STXBP5L: variants seen among roughly 807,000 people sequenced by gnomAD.
STXBP5L encodes the protein syntaxin binding protein 5L.
STXBP5L carries 65 observed loss-of-function variants against 144.5 expected under a neutral mutation model. The ratio of observed to expected loss-of-function variants is 0.45; its 90% CI spans 0.37 to 0.55. The LOEUF is 0.55. STXBP5L is among the 20% of genes least tolerant of loss of function. The pLI, the probability that STXBP5L is intolerant of heterozygous loss-of-function variation, is 0.00. For synonymous variants in STXBP5L, 505 were observed against 469.6 expected, an observed-to-expected ratio of 1.08 and a Z score of -0.97; for missense variants, 1,298 against 1,405.5, an observed-to-expected ratio of 0.92 and a Z score of 1.22.
intron 3 of STXBP5L, among the ~76,000 whole-genome samples, chr3:120,996,107 G>A (rs1294787292): frequency 6.6e-6 from 1 of 152,046 alleles, no homozygotes; most frequent in Non-Finnish European, 1.5e-5. Flanking sequence ...TCAGAAGAGA[G>A]ACATGCTATC....
intron 3 of STXBP5L, among the ~76,000 whole-genome samples, chr3:120,975,956 T>C (rs1940942356): frequency 6.6e-6 from 1 of 152,206 alleles, no homozygotes; most frequent in South Asian, 2.1e-4. Context: ...CAGTATTTTA[T>C]TGAGGATTTT....
chr3:120,965,164 T>G (rs1939404720), intron 3 of STXBP5L, among the ~76,000 whole-genome samples: 1 of 152,196 alleles, frequency 6.6e-6, no homozygotes, highest in Admixed American at 6.5e-5. Context: ...ATTTTGAGCC[T>G]ATGTGTGTCT....
chr3:121,102,917 A>G (rs567398553), intron 5 of STXBP5L, among the ~76,000 whole-genome samples: 1 of 152,296 alleles, frequency 6.6e-6, no homozygotes, highest in African/African-American at 2.4e-5. Context: ...TTCTCAAAAG[A>G]AGACATACAA....
intron 20 of STXBP5L, among the ~76,000 whole-genome samples, chr3:121,368,032 AGTTTTCAGTCAT>A (rs2045918789): frequency 1.3e-5 from 2 of 151,578 alleles, no homozygotes; most frequent in African/African-American, 4.8e-5. Flanking sequence ...AAATTTGAGA[AGTTTTCAGTCAT>A]TATTTATTCA....
chr3:121,065,362 A>G (rs2041492687), intron 5 of STXBP5L, among the ~76,000 whole-genome samples: 1 of 152,078 alleles, frequency 6.6e-6, no homozygotes. Context: ...TACATATTTT[A>G]TAATATATAT....
At chr3:120,998,182 G>A (rs1308858053) in intron 3 of STXBP5L, among the ~76,000 whole-genome samples, 1 of 152,050 alleles carries the variant, frequency 6.6e-6, no homozygotes, top group Non-Finnish European at 1.5e-5. Flanking sequence ...CAAGACAAAT[G>A]TGCCCCCTTT....
intron 5 of STXBP5L, among the ~76,000 whole-genome samples, chr3:121,082,106 G>A (rs1021827723): frequency 2.6e-5 from 4 of 151,594 alleles, no homozygotes; most frequent in Non-Finnish European, 5.9e-5. Flanking sequence ...AGTTCCTATG[G>A]CTTTCTACCT....
chr3:121,145,573 C>A (rs909974777), intron 7 of STXBP5L, among the ~76,000 whole-genome samples: 4 of 151,526 alleles, frequency 2.6e-5, no homozygotes, highest in Non-Finnish European at 4.4e-5. Context: ...CTTGTTTAAG[C>A]AAATGAAAAT....
chr3:121,364,880 A>C (rs1234191346), intron 20 of STXBP5L, among the ~76,000 whole-genome samples: 1 of 151,668 alleles, frequency 6.6e-6, no homozygotes, highest in Admixed American at 6.6e-5. Context: ...TTATATTGAG[A>C]TAATTTCTTT....
At chr3:120,976,560 T>C (rs1187731832) in intron 3 of STXBP5L, among the ~76,000 whole-genome samples, 1 of 152,162 alleles carries the variant, frequency 6.6e-6, no homozygotes, top group Non-Finnish European at 1.5e-5. Context: ...TCTGCTCTGA[T>C]TTTAGTTATT....
chr3:120,922,158 A>C (rs1268293540), intron 2 of STXBP5L, among the ~76,000 whole-genome samples: 1 of 151,826 alleles, frequency 6.6e-6, no homozygotes, highest in Non-Finnish European at 1.5e-5. Flanking sequence ...TACCTTGTAG[A>C]GATCTTTCAC....
At chr3:121,101,809 G>T (rs888735855) in intron 5 of STXBP5L, among the ~76,000 whole-genome samples, 7 of 152,150 alleles carry the variant, frequency 4.6e-5, no homozygotes, top group African/African-American at 1.7e-4. Context: ...TTTTGCTGAT[G>T]ATATAATTCT....
chr3:121,209,779 T>A (rs2048484072), intron 10 of STXBP5L, among the ~76,000 whole-genome samples: 1 of 152,194 alleles, frequency 6.6e-6, no homozygotes, highest in Admixed American at 6.5e-5. Flanking sequence ...TTTTCATGGC[T>A]GCATAGTATT....
At chr3:121,006,112 A>G (rs1303190914) in intron 3 of STXBP5L, among the ~76,000 whole-genome samples, 1 of 151,634 alleles carries the variant, frequency 6.6e-6, no homozygotes, top group Non-Finnish European at 1.5e-5. Context: ...ATCCTTGTTA[A>G]CTTTCTGTCT....
chr3:121,002,939 T>G (rs1943916306), intron 3 of STXBP5L, among the ~76,000 whole-genome samples: 1 of 152,250 alleles, frequency 6.6e-6, no homozygotes, highest in Non-Finnish European at 1.5e-5. Flanking sequence ...CAACATTTTC[T>G]TGATCCAGTC....
At chr3:121,069,833 C>A (rs576200522) in intron 5 of STXBP5L, among the ~76,000 whole-genome samples, 2 of 152,158 alleles carry the variant, frequency 1.3e-5, no homozygotes, top group South Asian at 4.2e-4. Context: ...ATTGCTCCAG[C>A]AGTATTTGTT....
intron 20 of STXBP5L, among the ~76,000 whole-genome samples, chr3:121,339,608 G>T (rs1453573527): frequency 6.6e-6 from 1 of 151,766 alleles, no homozygotes; most frequent in Non-Finnish European, 1.5e-5. Flanking sequence ...CAGAAAAGAG[G>T]AAGTCAAACT....
intron 19 of STXBP5L, among the ~76,000 whole-genome samples, chr3:121,304,212 C>A (rs1175775368): frequency 6.6e-6 from 1 of 151,960 alleles, no homozygotes; most frequent in Non-Finnish European, 1.5e-5. Context: ...TTGCATAAAC[C>A]TAATAAGAAC....
At chr3:121,296,884 AG>A (rs1468638954) in intron 19 of STXBP5L, among the ~76,000 whole-genome samples, 1 of 152,224 alleles carries the variant, frequency 6.6e-6, no homozygotes, top group Non-Finnish European at 1.5e-5. Flanking sequence ...GTAGCAATGC[AG>A]GTGGACTGGA....
Sources: gnomAD v4.1 joint callset for allele counts (sites outside exome capture counted in the v4.1 genomes callset) on GRCh38, gnomAD v4.1.1 for gene constraint, MANE v1.5 for transcripts, NCBI Gene and HGNC (gene_info 2026-07-23, HGNC 2026-07-21) for gene names.